HSPG2: variants seen among roughly 807,000 people sequenced by gnomAD.
HSPG2 encodes basement membrane-specific heparan sulfate proteoglycan core protein.
In HSPG2, 278 loss-of-function variants were observed where a neutral mutation model predicts 526.6. The ratio of observed to expected loss-of-function variants is 0.53; its 90% confidence interval spans 0.48 to 0.58. The LOEUF (loss-of-function observed/expected upper bound fraction) is 0.58, where lower values mean the gene tolerates loss of function less well. Among genes scored for constraint, HSPG2 ranks in the 20% least tolerant of loss-of-function variants. The pLI, the probability that HSPG2 is intolerant of heterozygous loss-of-function variation, is 0.00. For synonymous variants in HSPG2, 2,465 were observed against 2,555.4 expected (o/e 0.96, Z 1.07); for missense variants, 5,354 against 6,099.5 (o/e 0.88, Z 4.07).
chr1:21,832,716 C>G (rs1345010989), intron 80 of HSPG2, 110 bp from the exon 81 acceptor site: 3 of 778,722 alleles, frequency 3.9e-6, no homozygotes, highest in Non-Finnish European at 6.6e-6. Context: ...CGGAACCTGT[C>G]CCTCCCTCTG....
At chr1:21,873,701 G>C (rs1457031718) in intron 29 of HSPG2, among the ~76,000 whole-genome samples, 2 of 152,210 alleles carry the variant, frequency 1.3e-5, no homozygotes, top group African/African-American at 4.8e-5. Flanking sequence ...GGGCCAGGGG[G>C]CTGAAGGTGA....
intron 33 of HSPG2, among the ~76,000 whole-genome samples, chr1:21,868,040 A>ATT (rs35588639): frequency 1.4e-5 from 2 of 141,818 alleles, no homozygotes; most frequent in East Asian, 2.1e-4. Context: ...AGGAAGCTGA[A>ATT]TTTTTTTTTT....
intron 3 of HSPG2, among the ~76,000 whole-genome samples, chr1:21,894,935 C>A (rs1259070295): frequency 6.6e-6 from 1 of 152,222 alleles, no homozygotes; most frequent in Non-Finnish European, 1.5e-5. Flanking sequence ...CAAGTCCAGG[C>A]TCTGGGAGGT....
chr1:21,851,452 T>C, intron 55 of HSPG2, 94 bp downstream of exon 55: 1 of 1,582,344 alleles, frequency 6.3e-7, no homozygotes, highest in Non-Finnish European at 8.7e-7. Flanking sequence ...CAGGGCTTCC[T>C]GATCTCAGGG....
At chr1:21,908,332 C>T in intron 1 of HSPG2, 1 of 1,033,980 alleles carries the variant, frequency 9.7e-7, no homozygotes, top group South Asian at 1.3e-5. Flanking sequence ...TGTAAACAAA[C>T]AAGTTAAGGG....
Position 21,865,515 on chromosome 1 carries a change from C to T in HSPG2, c.4315-150G>A, listed in dbSNP as rs1339222903. 2.3e-6 allele frequency: 2 copies of T among 871,912 alleles called. No individual in the cohort carries two copies. Among genetic ancestry groups the T allele is most frequent in the East Asian group, 5.1e-5 (2 of 39,168 alleles). 54.0% of individuals were successfully genotyped at this position (871,912 alleles called of 1,614,324 possible). ...GCGCCCAAAGGAGTCAGGCACATGCCCACTGCCCCCTTCTCCCAGCAGCAG... is the reference window on the plus strand; with the variant it reads ...GCGCCCAAAGGAGTCAGGCACATGCTCACTGCCCCCTTCTCCCAGCAGCAG... On this transcript the variant is annotated intron_variant, in intron 34 of 96. Coordinates refer to ENST00000374695, the MANE Select transcript of HSPG2 (RefSeq NM_005529.7). The surrounding 1 kb of genome is among the most constrained non-coding windows in gnomAD (Gnocchi z 5.4).
intron 44 of HSPG2, 123 bp downstream of exon 44, chr1:21,856,892 A>C: frequency 9.5e-7 from 1 of 1,048,564 alleles, no homozygotes; most frequent in South Asian, 1.3e-5. Context: ...CAGAGCCTAG[A>C]CCAGGACCAG....
At chr1:21,917,485 A>AT (rs1643916042) in intron 1 of HSPG2, among the ~76,000 whole-genome samples, 1 of 149,436 alleles carries the variant, frequency 6.7e-6, no homozygotes, top group African/African-American at 2.5e-5. Context: ...AAATAAATAA[A>AT]AATAAAAGAC....
At chr1:21,902,213 G>A (rs1643139530) in intron 1 of HSPG2, among the ~76,000 whole-genome samples, 2 of 152,166 alleles carry the variant, frequency 1.3e-5, no homozygotes, top group African/African-American at 2.4e-5. Context: ...GAGGGGCGCC[G>A]GGCCGGAAGG....
Position 21,873,938 on chromosome 1 carries a change from G to A in HSPG2, c.3730C>T (p.Arg1244Cys), listed in dbSNP as rs1190402289. The stretch of plus-strand genomic sequence containing the variant: ...CCCCTGCCTCACCTCTCACAGTGAC[G>A]CCCACTGTGGCCTGGGGAGCACGCA... ...CDACSPGHSG[R>C]HCERCAPGYY... Residue 1244 changes from arginine (R) to cysteine (C), a missense_variant, in exon 29 of 97, where the codon CGT becomes TGT. Arg to Cys is a radical substitution (Grantham distance 180). Transcript: ENST00000374695. 9.4e-6 allele frequency: 15 copies of A among 1,594,770 alleles called. No homozygotes were observed. The highest frequency in any genetic ancestry group is 3.5e-5 in the Admixed American group (2 of 57,644).
At chr1:21,903,814 G>C (rs970110780) in intron 1 of HSPG2, among the ~76,000 whole-genome samples, 1 of 152,052 alleles carries the variant, frequency 6.6e-6, no homozygotes, top group African/African-American at 2.4e-5. Flanking sequence ...ACATAGCTAG[G>C]GGTGGGCACC....
chr1:21,890,448 A>G lies in HSPG2; in HGVS notation c.392T>C (p.Val131Ala). 3 of 1,612,972 alleles carry G rather than the reference A, an allele frequency of 1.9e-6. No homozygotes were observed. The highest frequency in any genetic ancestry group is 8.5e-7 in the Non-Finnish European group (1 of 1,179,782). Residue 131 changes from valine (V) to alanine (A), a missense_variant, in exon 5 of 97, where the codon GTT (valine) becomes GCT (alanine). Transcript: ENST00000374695. The surrounding 1 kb of genome is among the most constrained non-coding windows in gnomAD (Gnocchi z 4.1). Reference sequence around the variant, plus strand: ...TCACTTGATGAACACCACACTGACAACCTGGTCTCCGGGAATTTTCAAGTA... The same window carrying G: ...TCACTTGATGAACACCACACTGACAGCCTGGTCTCCGGGAATTTTCAAGTA... ...SEYLKIPGDQ[V>A]VSVVFIKELD...
chr1:21,850,167 C>G lies in HSPG2; in HGVS notation c.7320G>C (p.Arg2440=). 1 of 1,613,384 alleles carries G rather than the reference C, an allele frequency of 6.2e-7. No homozygotes were observed. Among genetic ancestry groups the G allele is most frequent in the Non-Finnish European group, 8.5e-7 (1 of 1,180,034 alleles). ...CCACTTGCGAAGACGATGACTCGAT[C>G]CGGACCGTGGGGGTGACCCCAAGTG... ...VPALGVTPTV[R]IESSSSQVAE... Residue 2440 remains arginine (R), a synonymous_variant, in exon 57 of 97, where the codon CGG becomes CGC. Coordinates refer to ENST00000374695, the MANE Select transcript of HSPG2 (RefSeq NM_005529.7).
At chr1:21,888,388 C>T (rs1642102058) in intron 6 of HSPG2, among the ~76,000 whole-genome samples, 1 of 152,250 alleles carries the variant, frequency 6.6e-6, no homozygotes, top group African/African-American at 2.4e-5. Flanking sequence ...GAAGGGAGTG[C>T]CCAGCTGTCT....
chr1:21,872,092 C>G lies in HSPG2; in HGVS notation c.4221+94G>C, dbSNP rs968758416. 2.6e-5 allele frequency: 35 copies of G among 1,347,814 alleles called. No individual in the cohort carries two copies. In the Middle Eastern group the frequency reaches 2.1e-3, roughly 81 times the overall value. The allele number at this position is 1,347,814 out of a possible 1,614,324, so 83.5% of individuals were successfully genotyped here. A position where few individuals can be genotyped will look rare whatever the true frequency, so the allele number is the denominator to read the frequency against. On this transcript the variant is annotated intron_variant, in intron 33 of 96. Transcript: ENST00000374695. The surrounding 1 kb of genome is among the most constrained non-coding windows in gnomAD (Gnocchi z 5.5). Reference sequence around the variant, plus strand: ...GCCACGTGCCTAACCACGATATGGCCATGCAGGTGGCAGGTGCCTGCCTGC... The same window carrying G: ...GCCACGTGCCTAACCACGATATGGCGATGCAGGTGGCAGGTGCCTGCCTGC...
At position 21,848,681 on chromosome 1, in the gene HSPG2, A is replaced by G. The variant is rs1638646962; in HGVS notation, c.7699T>C (p.Trp2567Arg). The G allele has an allele frequency of 6.2e-7, 1 of 1,613,384 alleles. No homozygotes were observed. The highest frequency in any genetic ancestry group is 8.5e-7 in the Non-Finnish European group (1 of 1,179,924). The change falls in exon 59 of 97, where the codon TGG (tryptophan) becomes CGG (arginine). Residue 2567 changes from tryptophan (W) to arginine (R), a missense_variant. Coordinates refer to ENST00000374695, the MANE Select transcript of HSPG2 (RefSeq NM_005529.7). The surrounding 1 kb of genome is among the most constrained non-coding windows in gnomAD (Gnocchi z 4.9). The stretch of plus-strand genomic sequence containing the variant: ...GGTAAGCTGCCTCCACGCTTATACC[A>G]GGTGATGGTGTGGGGAGCCTGGCTG... Reference protein sequence around the residue: ...VASQAPHTITWYKRGGSLPSR... With the variant: ...VASQAPHTITRYKRGGSLPSR...
chr1:21,916,987 C>A (rs1389506343), intron 1 of HSPG2, among the ~76,000 whole-genome samples: 1 of 152,184 alleles, frequency 6.6e-6, no homozygotes, highest in African/African-American at 2.4e-5. Flanking sequence ...TAACGGAAAT[C>A]GAACATGTGT....
Position 21,864,204 on chromosome 1 carries a change from G to C in HSPG2, c.4636C>G (p.Pro1546Ala). ...YIGLSCQDCAPGYTRTGSGLY... is the reference protein window; with the variant it reads ...YIGLSCQDCAAGYTRTGSGLY... Reference sequence around the variant, plus strand: ...CCACTCCCGGTGCGCGTGTAGCCGGGGGCACAGTCCTAGGGGCAGAGAGGA... The same window carrying C: ...CCACTCCCGGTGCGCGTGTAGCCGGCGGCACAGTCCTAGGGGCAGAGAGGA... The change falls in exon 37 of 97, where the codon CCC becomes GCC. Residue 1546 changes from proline to alanine, a missense_variant. Physicochemically the swap from Pro to Ala is conservative, Grantham distance 27. Transcript: ENST00000374695. The surrounding 1 kb of genome is among the most constrained non-coding windows in gnomAD (Gnocchi z 4.8). The C allele has an allele frequency of 6.4e-7, 1 of 1,551,848 alleles. No individual in the cohort carries two copies. The highest frequency in any genetic ancestry group is 8.7e-7 in the Non-Finnish European group (1 of 1,147,532).
Position 21,851,919 on chromosome 1 carries a change from C to G in HSPG2, c.6878G>C (p.Gly2293Ala), listed in dbSNP as rs1372838763. The G allele has an allele frequency of 1.9e-6, 3 of 1,602,638 alleles. No individual in the cohort carries two copies. The highest frequency in any genetic ancestry group is 1.7e-6 in the Non-Finnish European group (2 of 1,175,170). Residue 2293 changes from glycine (G) to alanine (A), a missense_variant, in exon 54 of 97, where the codon GGC becomes GCC. Coordinates refer to ENST00000374695, the MANE Select transcript of HSPG2 (RefSeq NM_005529.7). The part of the protein sequence containing the change: ...GSLPARHQVR[G>A]SRLYIFQASP... Reference sequence around the variant, plus strand: ...GGCCTGGAAGATGTACAGGCGGGAGCCACGAACCTGGGCAGCCGTGGGCAG... The same window carrying G: ...GGCCTGGAAGATGTACAGGCGGGAGGCACGAACCTGGGCAGCCGTGGGCAG...
Sources: gnomAD v4.1 joint callset for allele counts (sites outside exome capture counted in the v4.1 genomes callset) on GRCh38, gnomAD v4.1.1 for gene constraint, Gnocchi (gnomAD v3.1) non-coding constraint, MANE v1.5 for transcripts, NCBI Gene and HGNC (gene_info 2026-07-23, HGNC 2026-07-21) for gene names.